Variants in COL6A3 observed in about 807,000 individuals in gnomAD.
COL6A3 encodes the protein collagen type VI alpha 3 chain.
Under a neutral mutation model 274.1 loss-of-function variants are expected in COL6A3, and 137 were observed. The observed-to-expected ratio is 0.50, with a 90% CI of 0.44 to 0.58. The LOEUF (loss-of-function observed/expected upper bound fraction) is 0.58, where lower values mean the gene tolerates loss of function less well. Among genes scored for constraint, COL6A3 ranks in the 20% least tolerant of loss-of-function variants. COL6A3 has a pLI of 0.00. For synonymous variants in COL6A3, 1,650 were observed against 1,650.6 expected, an observed-to-expected ratio of 1.00 and a Z score of 0.01; for missense variants, 3,950 against 4,124.9, an observed-to-expected ratio of 0.96 and a Z score of 1.16.
chr2:237,385,310 A>G (rs1692319626), intron 4 of COL6A3, among the ~76,000 whole-genome samples: 1 of 152,214 alleles, frequency 6.6e-6, no homozygotes, highest in Non-Finnish European at 1.5e-5. Context: ...ATATTTGTTG[A>G]ATATTTACAA....
intron 31 of COL6A3, among the ~76,000 whole-genome samples, chr2:237,347,373 T>C (rs1393742574): frequency 1.3e-5 from 2 of 152,138 alleles, no homozygotes; most frequent in East Asian, 3.9e-4. Flanking sequence ...TCAGCACCAG[T>C]AGTCTGAGGA....
At chr2:237,357,487 T>C (rs1442695389) in intron 22 of COL6A3, 96 bp from the exon 23 acceptor site, 1 of 1,172,536 alleles carries the variant, frequency 8.5e-7, no homozygotes, top group Non-Finnish European at 1.3e-6. Context: ...AGGGGTCGAT[T>C]CACAGAGGAA....
intron 32 of COL6A3, among the ~76,000 whole-genome samples, chr2:237,345,902 AT>A (rs1253444886): frequency 1.3e-5 from 2 of 152,190 alleles, no homozygotes; most frequent in Non-Finnish European, 2.9e-5. Flanking sequence ...TCTAGGAATG[AT>A]TTTCCAACTC....
At chr2:237,341,939 C>A in intron 37 of COL6A3, 126 bp downstream of exon 37, 1 of 814,200 alleles carries the variant, frequency 1.2e-6, no homozygotes, top group Non-Finnish European at 2.1e-6. Flanking sequence ...CTGGTAAATA[C>A]GAGGCTTTGT....
intron 4 of COL6A3, among the ~76,000 whole-genome samples, chr2:237,382,650 G>C (rs2078037929): frequency 6.6e-6 from 1 of 152,224 alleles, no homozygotes; most frequent in Non-Finnish European, 1.5e-5. Context: ...TTTTGCAAAA[G>C]AGTCCTCTGT....
At position 237,340,761 on chromosome 2, in the gene COL6A3, T is replaced by C. The variant is rs762902561; in HGVS notation, c.8155A>G (p.Ile2719Val). ...AAGACATTCTCTATGGTGTATTCAA[T>C]GGCACTGCCTAAGGCCCTGGTTCCC... The part of the protein sequence containing the change: ...LQGTRALGSA[I>V]EYTIENVFES... The change falls in exon 38 of 44, where the codon ATT becomes GTT. Residue 2719 changes from isoleucine to valine, a missense_variant. Physicochemically the swap from Ile to Val is conservative, Grantham distance 29. Transcript: ENST00000295550. 3.7e-6 allele frequency: 6 copies of C among 1,614,056 alleles called. No homozygotes were observed. The highest frequency in any genetic ancestry group is 1.6e-4 in the Middle Eastern group (1 of 6,084).
chr2:237,412,195 G>A (rs1165920507), intron 1 of COL6A3, among the ~76,000 whole-genome samples: 1 of 152,204 alleles, frequency 6.6e-6, no homozygotes, highest in Non-Finnish European at 1.5e-5. Flanking sequence ...TCAGCTACAA[G>A]CCCACTTCAG....
At chr2:237,345,453 C>T (rs2077078941) in intron 32 of COL6A3, among the ~76,000 whole-genome samples, 2 of 152,194 alleles carry the variant, frequency 1.3e-5, no homozygotes, top group South Asian at 2.1e-4. Flanking sequence ...TGTTCTGAAA[C>T]CAGGAAGCTC....
At chr2:237,327,736 T>A (rs1214358636) in intron 42 of COL6A3, 2 of 152,192 alleles carry the variant, frequency 1.3e-5, no homozygotes, top group African/African-American at 4.8e-5. Context: ...TTAAGAAGGC[T>A]TCTAATGCAA....
rs1033879013 is a variant in COL6A3, at chr2:237,361,396, G to A, written c.6157-222C>T. On this transcript the variant is annotated intron_variant, in intron 15 of 43. Transcript: ENST00000295550. The surrounding 1 kb of genome is among the most constrained non-coding windows in gnomAD (Gnocchi z 5.1). The stretch of plus-strand genomic sequence containing the variant: ...AAGCCTGTTAGTTCCTACTGACTCA[G>A]AGCAAATGCTATGAGTTCCAGCTGC... Among the ~76,000 whole-genome samples, 8 of 152,204 alleles carry A rather than the reference G, an allele frequency of 5.3e-5. No homozygotes were observed. Among genetic ancestry groups the A allele is most frequent in the African/African-American group, 1.9e-4 (8 of 41,458 alleles).
At chr2:237,346,328 C>A (rs1458926173) in intron 32 of COL6A3, among the ~76,000 whole-genome samples, 175 bp downstream of exon 32, 1 of 152,184 alleles carries the variant, frequency 6.6e-6, no homozygotes, top group Non-Finnish European at 1.5e-5. Context: ...TCTTGTTACT[C>A]TAAAATTCAA....
chr2:237,395,950 C>T (rs541727659), intron 2 of COL6A3, among the ~76,000 whole-genome samples: 1 of 152,292 alleles, frequency 6.6e-6, no homozygotes, highest in South Asian at 2.1e-4. Flanking sequence ...CCAGGAGGTG[C>T]CCTTCTGCAG....
chr2:237,335,106 C>G (rs376770267), intron 40 of COL6A3, among the ~76,000 whole-genome samples: 7 of 152,216 alleles, frequency 4.6e-5, no homozygotes, highest in African/African-American at 1.7e-4. Context: ...AATGAAAAAT[C>G]TCATTATTCA....
At position 237,374,795 on chromosome 2, in the gene COL6A3, G is replaced by C; in HGVS notation, c.3296C>G (p.Thr1099Ser). Residue 1099 changes from threonine to serine, a missense_variant, in exon 8 of 44, where the codon ACC becomes AGC. Thr to Ser is a moderately conservative substitution (Grantham distance 58, BLOSUM62 1). Coordinates refer to ENST00000295550, the MANE Select transcript of COL6A3 (RefSeq NM_004369.4). This position sits in a 1 kb window ranked among gnomAD's most constrained non-coding sequence, Gnocchi z 4.8. ...GTTGGGGGTCGGCCCTCCCAGCAGGGTCAGCTGGCGGACAGCGTTGACGAC... is the reference window on the plus strand; with the variant it reads ...GTTGGGGGTCGGCCCTCCCAGCAGGCTCAGCTGGCGGACAGCGTTGACGAC... The part of the protein sequence containing the change: ...QDVVNAVRQL[T>S]LLGGPTPNTG... The C allele has an allele frequency of 6.2e-7, 1 of 1,614,098 alleles. No homozygotes were observed. The highest frequency in any genetic ancestry group is 1.7e-5 in the Admixed American group (1 of 60,018).
intron 1 of COL6A3, among the ~76,000 whole-genome samples, chr2:237,397,082 C>A (rs56105400): frequency 6.8e-6 from 1 of 147,346 alleles, no homozygotes; most frequent in African/African-American, 2.5e-5. Flanking sequence ...TACATACATG[C>A]GCACATATAT....
At position 237,367,209 on chromosome 2, in the gene COL6A3, G is replaced by A. The variant is rs1553556695; in HGVS notation, c.4978C>T (p.Arg1660Cys). ...GTGTCCACTATTTCAGACACAAAAC[G>A]AAGCACTTCCTGGAAACTGTCCCTC... ...FRRDSFQEVLRFVSEIVDTVY... is the reference protein window; with the variant it reads ...FRRDSFQEVLCFVSEIVDTVY... The change falls in exon 11 of 44, where the codon CGT (arginine) becomes TGT (cysteine). Residue 1660 changes from arginine (R) to cysteine (C), a missense_variant. By Grantham distance (180) the Arg-to-Cys change is radical. Transcript: ENST00000295550. 2 of 1,613,950 alleles carry A rather than the reference G, an allele frequency of 1.2e-6. No individual in the cohort carries two copies. The highest frequency in any genetic ancestry group is 1.1e-5 in the South Asian group (1 of 91,058).
chr2:237,387,713 G>A lies in COL6A3; in HGVS notation c.1181C>T (p.Thr394Ile). The A allele has an allele frequency of 6.2e-7, 1 of 1,614,048 alleles. No homozygotes were observed. The highest frequency in any genetic ancestry group is 8.5e-7 in the Non-Finnish European group (1 of 1,179,950). ...GACAGTAAACACCAAGTTGTCATCG[G>A]TAGCTATGTGCTGAAGCTCTGCCCT... is the stretch of plus-strand genomic sequence containing the variant. ...ASRAELQHIA[T>I]DDNLVFTVPE... The change falls in exon 4 of 44, where the codon ACC (threonine) becomes ATC (isoleucine). Residue 394 changes from threonine (T) to isoleucine (I), a missense_variant. Thr to Ile is a moderately conservative substitution (Grantham distance 89, BLOSUM62 -1). Transcript: ENST00000295550.
intron 38 of COL6A3, among the ~76,000 whole-genome samples, chr2:237,339,489 G>A (rs2076939295): frequency 6.6e-6 from 1 of 152,154 alleles, no homozygotes; most frequent in Non-Finnish European, 1.5e-5. Context: ...ATGCTTTGTT[G>A]AACAAAGCTT....
rs771489087 is a variant in COL6A3, at chr2:237,394,715, T to C, written c.581A>G (p.Asn194Ser). 19 of 1,614,104 alleles carry C rather than the reference T, an allele frequency of 1.2e-5. No homozygotes were observed. The highest frequency in any genetic ancestry group is 4.4e-5 in the South Asian group (4 of 91,092). The part of the protein sequence containing the change: ...ALKEIASEPL[N>S]MHMFNLENFT... Reference sequence around the variant, plus strand: ...ATTCTCTAGGTTGAACATATGCATATTGAGCGGTTCACTTGCTATTTCTTT... The same window carrying C: ...ATTCTCTAGGTTGAACATATGCATACTGAGCGGTTCACTTGCTATTTCTTT... Residue 194 changes from asparagine (N) to serine (S), a missense_variant, in exon 3 of 44, where the codon AAT becomes AGT. Physicochemically the swap from Asn to Ser is conservative, Grantham distance 46. Transcript: ENST00000295550.
Sources: gnomAD v4.1 joint callset for allele counts (sites outside exome capture counted in the v4.1 genomes callset) on GRCh38, gnomAD v4.1.1 for gene constraint, Gnocchi (gnomAD v3.1) non-coding constraint, MANE v1.5 for transcripts, NCBI Gene and HGNC (gene_info 2026-07-23, HGNC 2026-07-21) for gene names.